Variants in F11 observed in about 807,000 individuals in gnomAD.
The protein encoded by F11 is coagualtion factor XI.
Under a neutral mutation model 76.5 loss-of-function variants are expected in F11, and 78 were observed. The observed-to-expected ratio is 1.02, with a 90% CI of 0.85 to 1.23. The LOEUF is 1.23. F11 is among the 50% of genes most tolerant of loss of function. The pLI is 0.00. For synonymous variants in F11, 278 were observed against 276.3 expected (o/e 1.01, Z -0.06); for missense variants, 742 against 771.4 (o/e 0.96, Z 0.45).
In F11 at chr4:186,288,585, T is replaced by G; in HGVS notation, c.1849T>G (p.Trp617Gly). ...CACCAACGTGGTCGAGTACGTGGAC[T>G]GGATTCTGGAGAAAACTCAAGCAGT... ...VYTNVVEYVDWILEKTQAV is the reference protein window; with the variant it reads ...VYTNVVEYVDGILEKTQAV The change falls in exon 15 of 15, where the codon TGG (tryptophan) becomes GGG (glycine). Residue 617 changes from tryptophan (W) to glycine (G), a missense_variant. Trp to Gly is a radical substitution (Grantham distance 184). Transcript: ENST00000403665. 4 of 1,614,152 alleles carry G rather than the reference T, an allele frequency of 2.5e-6. No homozygotes were observed. The highest frequency in any genetic ancestry group is 3.4e-6 in the Non-Finnish European group (4 of 1,180,026).
At chr4:186,286,905 G>A (rs1282123444) in intron 13 of F11, among the ~76,000 whole-genome samples, 1 of 152,140 alleles carries the variant, frequency 6.6e-6, no homozygotes. Flanking sequence ...CTTCATACTT[G>A]TAATTATAAA....
At chr4:186,268,868 A>G (rs985017956) in intron 2 of F11, among the ~76,000 whole-genome samples, 8 of 152,200 alleles carry the variant, frequency 5.3e-5, no homozygotes, top group Non-Finnish European at 1.0e-4. Flanking sequence ...ATGATATAAG[A>G]TGACAAGAAG....
chr4:186,270,475 G>A (rs1250717672), intron 2 of F11, among the ~76,000 whole-genome samples: 5 of 152,138 alleles, frequency 3.3e-5, no homozygotes, highest in Middle Eastern at 3.4e-3. Flanking sequence ...GTGAAGTGCC[G>A]GCTTTTGGTG....
At chr4:186,271,485 T>C in intron 2 of F11, 124 bp from the exon 3 acceptor site, 2 of 1,095,830 alleles carry the variant, frequency 1.8e-6, no homozygotes, top group Non-Finnish European at 2.8e-6. Context: ...ATTGCCTTGA[T>C]TTCCAAATTC....
At chr4:186,282,388 T>C (rs1740870707) in intron 10 of F11, 1 of 985,322 alleles carries the variant, frequency 1.0e-6, no homozygotes, top group Non-Finnish European at 1.2e-6. Flanking sequence ...TTTACTGCGC[T>C]GTATTTGATG....
In F11 at chr4:186,285,691, A is replaced by G; in HGVS notation, c.1358A>G (p.Glu453Gly). Residue 453 changes from glutamate to glycine, a missense_variant, in exon 12 of 15, where the codon GAA becomes GGA. Coordinates refer to ENST00000403665, the MANE Select transcript of F11 (RefSeq NM_000128.4). ...TACAGTGGCATTTTAAATCAATCTG[A>G]AATAAAAGAGGACACATCTTTCTTT... ...RVYSGILNQS[E>G]IKEDTSFFGV... The G allele has an allele frequency of 6.2e-7, 1 of 1,614,158 alleles. No individual in the cohort carries two copies. The highest frequency in any genetic ancestry group is 8.5e-7 in the Non-Finnish European group (1 of 1,180,026).
At chr4:186,280,682 T>A in intron 10 of F11, 102 bp downstream of exon 10, 1 of 1,066,738 alleles carries the variant, frequency 9.4e-7, no homozygotes, top group Non-Finnish European at 1.4e-6. Context: ...GGGAGAACAT[T>A]CAGGAAATAA....
chr4:186,276,280 C>T lies in F11; in HGVS notation c.645C>T (p.Ile215=). The T allele has an allele frequency of 2.5e-6, 4 of 1,614,052 alleles. No individual in the cohort carries two copies. Among genetic ancestry groups the T allele is most frequent in the Non-Finnish European group, 3.4e-6 (4 of 1,180,006 alleles). The part of the protein sequence containing the change: ...FPNTVFADSN[I]DSVMAPDAFV... The stretch of plus-strand genomic sequence containing the variant: ...ATACGGTGTTTGCAGACAGCAACAT[C>T]GACAGTGTCATGGCTCCCGATGCTT... Residue 215 remains isoleucine, a synonymous_variant, in exon 7 of 15, where the codon ATC becomes ATT. Transcript: ENST00000403665.
rs559528932 is a variant in F11 at position 186,285,351 on chromosome 4, AGTGTGCGTGT to A, written c.1305-276_1305-267del. Among the ~76,000 whole-genome samples, 16 of 149,982 alleles carry A rather than the reference AGTGTGCGTGT, an allele frequency of 1.1e-4. No homozygotes were observed. In the East Asian group the frequency reaches 2.4e-3, roughly 22 times the overall value. ...TGTGTGTGTGCGTGTGTGTCTGTGC[AGTGTGCGTGT>A]GTGTGCGTGTCTGTGTGTGCGTGTG... On this transcript the variant is annotated intron_variant, in intron 11 of 14. Transcript: ENST00000403665.
Position 186,279,112 on chromosome 4 carries a change from C to T in F11, c.756-900C>T, listed in dbSNP as rs1459297099. On this transcript the variant is annotated intron_variant, in intron 7 of 14. Coordinates refer to ENST00000403665, the MANE Select transcript of F11 (RefSeq NM_000128.4). ...AAAATTAAATAAAACTGGCTGGGTG[C>T]AGTGGCTCACGCCTGTAATCCCAGC... Among the ~76,000 whole-genome samples, 3 of 152,162 alleles carry T rather than the reference C, an allele frequency of 2.0e-5. No individual in the cohort carries two copies. The East Asian group carries it at 5.8e-4, about 29-fold the overall frequency.
chr4:186,276,246 T>C lies in F11; in HGVS notation c.611T>C (p.Ile204Thr). Residue 204 changes from isoleucine (I) to threonine (T), a missense_variant, in exon 7 of 15, where the codon ATT (isoleucine) becomes ACT (threonine). Ile to Thr is a moderately conservative substitution (Grantham distance 89). Transcript: ENST00000403665. ...ALSNLACIRD[I>T]FPNTVFADSN... ...CGTCGCGCAGCTTGTATTAGGGACATTTTCCCTAATACGGTGTTTGCAGAC... is the reference window on the plus strand; with the variant it reads ...CGTCGCGCAGCTTGTATTAGGGACACTTTCCCTAATACGGTGTTTGCAGAC... The C allele has an allele frequency of 1.9e-6, 3 of 1,614,100 alleles. No homozygotes were observed. The highest frequency in any genetic ancestry group is 2.5e-6 in the Non-Finnish European group (3 of 1,180,012).
intron 2 of F11, among the ~76,000 whole-genome samples, chr4:186,269,682 A>T (rs1030541327): frequency 6.6e-6 from 1 of 152,208 alleles, no homozygotes; most frequent in African/African-American, 2.4e-5. Context: ...GATGGTGCTG[A>T]TGGTTGCACA....
chr4:186,281,096 ATCCTCCCGCT>A (rs1210771785), intron 10 of F11, among the ~76,000 whole-genome samples: 1 of 151,784 alleles, frequency 6.6e-6, no homozygotes, highest in Non-Finnish European at 1.5e-5. Flanking sequence ...GGCTCAAGCA[ATCCTCCCGCT>A]TTGGCCTCCC....
chr4:186,275,292 A>C (rs1740278228), intron 5 of F11: 2 of 406,648 alleles, frequency 4.9e-6, no homozygotes, highest in Non-Finnish European at 9.7e-6. Flanking sequence ...GGAGTTCGAC[A>C]CCAGCCTGAC....
At chr4:186,280,728 C>T (rs1203629442) in intron 10 of F11, 148 bp downstream of exon 10, 10 of 717,804 alleles carry the variant, frequency 1.4e-5, no homozygotes, top group Non-Finnish European at 2.5e-5. Flanking sequence ...TCACTCCTGT[C>T]ACTCAAGCTG....
Position 186,285,667 on chromosome 4 carries a change from A to G in F11, c.1334A>G (p.Tyr445Cys), listed in dbSNP as rs1480432132. Residue 445 changes from tyrosine (Y) to cysteine (C), a missense_variant, in exon 12 of 15, where the codon TAC (tyrosine) becomes TGC (cysteine). Coordinates refer to ENST00000403665, the MANE Select transcript of F11 (RefSeq NM_000128.4). ...GAGTCACCTAAGATTTTGCGTGTCTACAGTGGCATTTTAAATCAATCTGAA... is the reference window on the plus strand; with the variant it reads ...GAGTCACCTAAGATTTTGCGTGTCTGCAGTGGCATTTTAAATCAATCTGAA... ...GVESPKILRV[Y>C]SGILNQSEIK... 1 of 1,614,136 alleles carries G rather than the reference A, an allele frequency of 6.2e-7. No individual in the cohort carries two copies. The highest frequency in any genetic ancestry group is 1.1e-5 in the South Asian group (1 of 91,080).
intron 7 of F11, among the ~76,000 whole-genome samples, chr4:186,279,366 G>C (rs1178661770): frequency 2.0e-5 from 3 of 150,894 alleles, no homozygotes; most frequent in Non-Finnish European, 4.4e-5. Context: ...TGGGTGACAA[G>C]AGAAAGACTA....
At chr4:186,285,585 G>A (rs1580102284) in intron 11 of F11, 53 bp from the exon 12 acceptor site, 3 of 1,552,208 alleles carry the variant, frequency 1.9e-6, no homozygotes, top group Admixed American at 3.3e-5. Context: ...CACAATGTCT[G>A]GGAATTATTT....
At chr4:186,274,526 GCTACA>G (rs898499324) in intron 5 of F11, 3 of 515,178 alleles carry the variant, frequency 5.8e-6, no homozygotes, top group Admixed American at 6.4e-5. Flanking sequence ...TTTCAAAAGC[GCTACA>G]CTTTTAAATT....
Sources: gnomAD v4.1 joint callset for allele counts (sites outside exome capture counted in the v4.1 genomes callset) on GRCh38, gnomAD v4.1.1 for gene constraint, MANE v1.5 for transcripts, NCBI Gene and HGNC (gene_info 2026-07-23, HGNC 2026-07-21) for gene names.